Variants in MTCL2 observed in about 807,000 individuals in gnomAD.
MTCL2 encodes the protein microtubule cross-linking factor 2.
the MTCL2 span, among the ~76,000 whole-genome samples, chr20:36,792,297 C>T: frequency 6.6e-6 from 1 of 152,052 alleles, no homozygotes; most frequent in Non-Finnish European, 1.5e-5. Flanking sequence ...CACTTGAGGT[C>T]GGGAGTTCGA....
the MTCL2 span, among the ~76,000 whole-genome samples, chr20:36,788,488 A>G: frequency 5.9e-5 from 9 of 152,074 alleles, no homozygotes; most frequent in African/African-American, 1.7e-4. Context: ...AATACAAAAA[A>G]TTAGCCGGGC....
At chr20:36,819,278 G>A in the MTCL2 span, among the ~76,000 whole-genome samples, 3 of 152,180 alleles carry the variant, frequency 2.0e-5, no homozygotes, top group African/African-American at 7.2e-5. Flanking sequence ...CCTTGCTTAG[G>A]TTGTTTTGAC....
At chr20:36,863,459 GC>G in the MTCL2 span, 1 of 731,594 alleles carries the variant, frequency 1.4e-6, no homozygotes, top group Non-Finnish European at 1.8e-6. This position sits in a 1 kb window ranked among gnomAD's most constrained non-coding sequence, Gnocchi z 6.2. Context: ...GCTGCTCTCG[GC>G]CCACCTCGGC....
At chr20:36,833,898 C>T in the MTCL2 span, among the ~76,000 whole-genome samples, 232 of 152,118 alleles carry the variant, frequency 1.5e-3, 3 homozygotes, top group East Asian at 0.023. Context: ...CATGGTGGCT[C>T]ATGCCTGTAA....
chr20:36,800,431 G>A, the MTCL2 span, among the ~76,000 whole-genome samples: 2 of 152,176 alleles, frequency 1.3e-5, no homozygotes, highest in African/African-American at 4.8e-5. Flanking sequence ...CTGCCATCCT[G>A]CACTCCCCAA....
the MTCL2 span, among the ~76,000 whole-genome samples, chr20:36,809,033 G>T: frequency 2.6e-5 from 4 of 152,230 alleles, no homozygotes; most frequent in Admixed American, 6.5e-5. Context: ...GAATGCTCAT[G>T]TTCAATGAGG....
chr20:36,862,994 C>A, the MTCL2 span: 2 of 1,408,232 alleles, frequency 1.4e-6, no homozygotes, highest in African/African-American at 1.5e-5. Flanking sequence ...AGCTGCTATC[C>A]GTGAGGCTGG....
the MTCL2 span, among the ~76,000 whole-genome samples, chr20:36,848,166 A>G: frequency 3.5e-4 from 53 of 152,260 alleles, no homozygotes; most frequent in African/African-American, 1.2e-3. Flanking sequence ...AAAATGAGAG[A>G]GGGAGAGCCT....
chr20:36,859,044 G>T, the MTCL2 span, among the ~76,000 whole-genome samples: 1 of 152,190 alleles, frequency 6.6e-6, no homozygotes, highest in South Asian at 2.1e-4. Flanking sequence ...GCCCGCCTTG[G>T]CCTCCCAAAG....
chr20:36,834,225 G>A, the MTCL2 span, among the ~76,000 whole-genome samples: 7 of 151,518 alleles, frequency 4.6e-5, no homozygotes, highest in East Asian at 7.7e-4. Context: ...TCTGGACTCC[G>A]TGTGGCTGAA....
chr20:36,812,822 G>C, the MTCL2 span: 1 of 1,612,494 alleles, frequency 6.2e-7, no homozygotes, highest in Non-Finnish European at 8.5e-7. Context: ...CTCCCATTCC[G>C]GCAGGTCCCT....
chr20:36,784,598 T>G, the MTCL2 span: 1 of 985,512 alleles, frequency 1.0e-6, no homozygotes, highest in Non-Finnish European at 1.2e-6. Flanking sequence ...TGTCTATGTG[T>G]GTGTGGGGAG....
the MTCL2 span, chr20:36,785,399 T>C: frequency 1.0e-6 from 1 of 984,178 alleles, no homozygotes; most frequent in Non-Finnish European, 1.2e-6. Flanking sequence ...CCACCTTAAA[T>C]ATTTATAGTA....
At chr20:36,796,742 G>A in the MTCL2 span, 2 of 742,884 alleles carry the variant, frequency 2.7e-6, no homozygotes, top group Non-Finnish European at 4.5e-6. Context: ...CGGTGGGGTG[G>A]CGGCAGGAAG....
At chr20:36,824,502 G>C in the MTCL2 span, among the ~76,000 whole-genome samples, 1 of 151,994 alleles carries the variant, frequency 6.6e-6, no homozygotes, top group African/African-American at 2.4e-5. Flanking sequence ...GGGGCAAGAG[G>C]GAAAGGGGGA....
chr20:36,855,602 T>C, the MTCL2 span, among the ~76,000 whole-genome samples: 15 of 152,352 alleles, frequency 9.8e-5, no homozygotes, highest in Middle Eastern at 0.01. Context: ...CCTTGGCTGC[T>C]GGGCAGGCCC....
At chr20:36,860,842 G>T in the MTCL2 span, among the ~76,000 whole-genome samples, 1 of 152,218 alleles carries the variant, frequency 6.6e-6, no homozygotes, top group Admixed American at 6.5e-5. Context: ...CTGAATGAAT[G>T]GTGGAAATTA....
chr20:36,781,540 A>C, the MTCL2 span: 1 of 151,466 alleles, frequency 6.6e-6, no homozygotes, highest in Non-Finnish European at 1.5e-5. Context: ...TGTCTCCAAA[A>C]AAAAAAGAAA....
chr20:36,807,947 C>G, the MTCL2 span, among the ~76,000 whole-genome samples: 1 of 134,684 alleles, frequency 7.4e-6, no homozygotes, highest in Non-Finnish European at 1.5e-5. Context: ...ACAATCTAGG[C>G]TCACTGCAAG....
Sources: allele counts gnomAD v4.1 joint callset (sites outside exome capture counted in the v4.1 genomes callset), GRCh38; gene constraint gnomAD v4.1.1; non-coding constraint Gnocchi (gnomAD v3.1); transcripts MANE v1.5; gene names NCBI Gene and HGNC (gene_info 2026-07-23, HGNC 2026-07-21).